Variants in WDR33 observed in about 807,000 individuals in gnomAD.
The protein encoded by WDR33 is WD repeat domain 33, also known as pre-mRNA 3' end processing protein WDR33.
WDR33 carries 47 observed loss-of-function variants against 164.9 expected under a neutral mutation model. That is an observed-to-expected ratio of 0.29 (90% CI 0.23 to 0.36). The LOEUF is 0.36. Among genes scored for constraint, WDR33 ranks in the 10% least tolerant of loss-of-function variants. The probability of loss-of-function intolerance (pLI) is 1.00; values close to 1 mark genes in which losing one functional copy is unlikely to be tolerated. For missense variants in WDR33, 1,137 were observed against 1,754.1 expected (o/e 0.65, Z 6.28); for synonymous variants, 505 against 589.0 (o/e 0.86, Z 2.06).
chr2:127,797,234 C>G (rs1689071346), intron 1 of WDR33, among the ~76,000 whole-genome samples: 1 of 152,182 alleles, frequency 6.6e-6, no homozygotes, highest in Non-Finnish European at 1.5e-5. Flanking sequence ...TGGCTCGTGT[C>G]TGTAATCCCA....
chr2:127,804,253 G>A (rs35477542), intron 1 of WDR33, among the ~76,000 whole-genome samples: 17,577 of 152,058 alleles, frequency 0.12, 1,262 homozygotes, highest in South Asian at 0.26. Context: ...CCCGGGAGGC[G>A]GAGCTTGCAG....
intron 7 of WDR33, among the ~76,000 whole-genome samples, chr2:127,748,870 A>T (rs1308648327): frequency 6.9e-6 from 1 of 144,846 alleles, no homozygotes; most frequent in African/African-American, 2.6e-5. Flanking sequence ...AGGGCCTCCT[A>T]GGTAGCTGAA....
At chr2:127,762,947 G>C in intron 7 of WDR33, 115 bp downstream of exon 7, 1 of 1,533,216 alleles carries the variant, frequency 6.5e-7, no homozygotes, top group South Asian at 1.3e-5. Flanking sequence ...GAGACGGTGT[G>C]TATATGTAAA....
At chr2:127,729,377 A>T (rs1686647473) in intron 7 of WDR33, among the ~76,000 whole-genome samples, 1 of 152,254 alleles carries the variant, frequency 6.6e-6, no homozygotes, top group Non-Finnish European at 1.5e-5. Context: ...AGGTTAGTTA[A>T]GAGTTACAAG....
intron 8 of WDR33, 65 bp from the exon 9 acceptor site, chr2:127,725,280 T>C (rs1025022887): frequency 6.7e-7 from 1 of 1,497,958 alleles, no homozygotes; most frequent in African/African-American, 1.4e-5. Context: ...ATGGCCATTT[T>C]TGTTGAAAAG....
intron 1 of WDR33, among the ~76,000 whole-genome samples, chr2:127,809,411 A>G (rs1573496859): frequency 6.9e-6 from 1 of 145,824 alleles, no homozygotes; most frequent in African/African-American, 2.5e-5. Flanking sequence ...CCATTGTAAT[A>G]TATGTAAGCC....
At chr2:127,740,708 A>T (rs952692557) in intron 7 of WDR33, among the ~76,000 whole-genome samples, 2 of 152,240 alleles carry the variant, frequency 1.3e-5, no homozygotes, top group East Asian at 3.8e-4. Context: ...AACTTGGGAG[A>T]ATATCAGGAA....
intron 7 of WDR33, among the ~76,000 whole-genome samples, chr2:127,732,451 A>G (rs1310953307): frequency 6.6e-6 from 1 of 152,064 alleles, no homozygotes; most frequent in Non-Finnish European, 1.5e-5. Flanking sequence ...CCTCCCCGGT[A>G]GCTGGGACTA....
At chr2:127,711,295 C>T (rs192372670) in intron 18 of WDR33, among the ~76,000 whole-genome samples, 1 of 151,936 alleles carries the variant, frequency 6.6e-6, no homozygotes, top group East Asian at 1.9e-4. Context: ...CGTGGTGGCG[C>T]GTGCCTGTAA....
intron 1 of WDR33, among the ~76,000 whole-genome samples, chr2:127,793,300 G>A (rs568527009): frequency 2.4e-4 from 36 of 151,088 alleles, no homozygotes; most frequent in Admixed American, 1.6e-3. Flanking sequence ...GCATGATGGC[G>A]GGTGCCTGTA....
chr2:127,763,630 A>G lies in WDR33; in HGVS notation c.627-471T>C. ...GCTGTCTATTAAAAGACTGATTGCTAAACATCCCTACATACAATGTTTCTC... is the reference window on the plus strand; with the variant it reads ...GCTGTCTATTAAAAGACTGATTGCTGAACATCCCTACATACAATGTTTCTC... On this transcript the variant is annotated intron_variant, in intron 6 of 21. Transcript: ENST00000322313. The surrounding 1 kb of genome is among the most constrained non-coding windows in gnomAD (Gnocchi z 4.5). 1.0e-6 allele frequency: 1 copy of G among 990,550 alleles called. No homozygotes were observed. Among genetic ancestry groups the G allele is most frequent in the Non-Finnish European group, 1.2e-6 (1 of 833,132 alleles). The allele number at this position is 990,550 out of a possible 1,614,324, so 61.4% of individuals were successfully genotyped here.
chr2:127,809,656 G>A (rs1689575857), intron 1 of WDR33, among the ~76,000 whole-genome samples: 1 of 151,876 alleles, frequency 6.6e-6, no homozygotes, highest in Non-Finnish European at 1.5e-5. Context: ...GGCTGGTCTC[G>A]AACTCCTGAC....
rs760707882 is a variant in WDR33 at position 127,703,010 on chromosome 2, T to A, written c.*3313A>T. The A allele has an allele frequency of 3.6e-5, 6 of 167,122 alleles. No homozygotes were observed. The highest frequency in any genetic ancestry group is 5.9e-5 in the Non-Finnish European group (4 of 68,128). The allele number at this position is 167,122 out of a possible 1,614,324, so 10.4% of individuals were successfully genotyped here. ...CTGCTTTGTAAACTAGTTTACAATT[T>A]GCAGGCTGATCTTAAGATTTTTTTA... On this transcript the variant is annotated 3_prime_UTR_variant, in exon 22 of 22. Coordinates refer to ENST00000322313, the MANE Select transcript of WDR33 (RefSeq NM_018383.5).
At chr2:127,725,886 C>G (rs1379314194) in intron 8 of WDR33, among the ~76,000 whole-genome samples, 2 of 152,006 alleles carry the variant, frequency 1.3e-5, no homozygotes, top group Non-Finnish European at 2.9e-5. Context: ...TTTGAAACTT[C>G]CATAAAGTTT....
intron 7 of WDR33, among the ~76,000 whole-genome samples, chr2:127,742,860 T>TA (rs34957656): frequency 0.21 from 26,651 of 126,744 alleles, 2,634 homozygotes; most frequent in South Asian, 0.28. Flanking sequence ...TACTCACAGT[T>TA]AAAAAAAAAA....
intron 7 of WDR33, among the ~76,000 whole-genome samples, chr2:127,739,705 A>C (rs1347940089): frequency 1.3e-5 from 2 of 152,264 alleles, no homozygotes; most frequent in Non-Finnish European, 2.9e-5. Flanking sequence ...TCAATGAATA[A>C]AAGCTTTCAT....
intron 1 of WDR33, among the ~76,000 whole-genome samples, chr2:127,791,761 T>A (rs1688851963): frequency 6.6e-6 from 1 of 152,192 alleles, no homozygotes; most frequent in Non-Finnish European, 1.5e-5. Context: ...ATCAGTGACA[T>A]TCTTAAGTGA....
intron 7 of WDR33, among the ~76,000 whole-genome samples, chr2:127,761,326 G>A (rs1053466817): frequency 2.0e-5 from 3 of 151,594 alleles, no homozygotes; most frequent in Admixed American, 6.6e-5. Context: ...TCAGCCTCCC[G>A]AGTAGCTGGG....
chr2:127,706,914 G>C lies in WDR33; in HGVS notation c.3782-362C>G, dbSNP rs1384932003. On this transcript the variant is annotated intron_variant, in intron 21 of 21. Coordinates refer to ENST00000322313, the MANE Select transcript of WDR33 (RefSeq NM_018383.5). This position sits in a 1 kb window ranked among gnomAD's most constrained non-coding sequence, Gnocchi z 5.1. ...CTGCTCCCAGCCACCAGGGTATATT[G>C]AGGGAAGGTTTGAATATACTGACTT... Among the ~76,000 whole-genome samples, 4 of 152,260 alleles carry C rather than the reference G, an allele frequency of 2.6e-5. No homozygotes were observed. Among genetic ancestry groups the C allele is most frequent in the Non-Finnish European group, 5.9e-5 (4 of 68,050 alleles).
Sources: allele counts gnomAD v4.1 joint callset (sites outside exome capture counted in the v4.1 genomes callset), GRCh38; gene constraint gnomAD v4.1.1; non-coding constraint Gnocchi (gnomAD v3.1); transcripts MANE v1.5; gene names NCBI Gene and HGNC (gene_info 2026-07-23, HGNC 2026-07-21).